The following MAPK4 variants were observed in gnomAD, a reference collection of about 807,000 sequenced individuals.
MAPK4 encodes mitogen-activated protein kinase 4.
A neutral mutation model predicts 47.7 loss-of-function variants in MAPK4; 22 were observed. The observed-to-expected ratio is 0.46, with a 90% confidence interval of 0.33 to 0.66. The LOEUF (loss-of-function observed/expected upper bound fraction) is 0.66, where lower values mean the gene tolerates loss of function less well. Ranked by LOEUF, MAPK4 falls within the 30% of genes least tolerant of loss-of-function variation. The pLI, the probability that MAPK4 is intolerant of heterozygous loss-of-function variation, is 0.02. For synonymous variants in MAPK4, 390 were observed against 365.7 expected (o/e 1.07, Z -0.76); for missense variants, 736 against 831.7 (o/e 0.88, Z 1.42).
At position 50,652,936 on chromosome 18, in the gene MAPK4, C is replaced by T. The variant is rs573676357; in HGVS notation, c.-870-10153C>T. Among the ~76,000 whole-genome samples the T allele has an allele frequency of 5.3e-5, 8 of 152,126 alleles. No homozygotes were observed. In the South Asian group the frequency reaches 1.7e-3, roughly 32 times the overall value. ...ATGGATTACACCTGTAATCCCAGTA[C>T]CTTGGGAGGTTGAGGCAGGAAGATT... On this transcript the variant is annotated intron_variant, in intron 1 of 5. Coordinates refer to ENST00000400384, the MANE Select transcript of MAPK4 (RefSeq NM_002747.4).
rs1171211396 is a variant in MAPK4, at chr18:50,664,907, C to T, written c.546+403C>T. Among the ~76,000 whole-genome samples the T allele has an allele frequency of 1.3e-5, 2 of 152,220 alleles. No individual in the cohort carries two copies. The highest frequency in any genetic ancestry group is 2.9e-5 in the Non-Finnish European group (2 of 68,034). ...AGGACACACCCTGAGGCTTCCCACC[C>T]TGTGAGCCTCATGCTCTGGTTGGTC... On this transcript the variant is annotated intron_variant, in intron 2 of 5. Transcript: ENST00000400384. This position sits in a 1 kb window ranked among gnomAD's most constrained non-coding sequence, Gnocchi z 6.0.
At chr18:50,569,874 G>T (rs1200827907) in intron 1 of MAPK4, among the ~76,000 whole-genome samples, 1 of 152,202 alleles carries the variant, frequency 6.6e-6, no homozygotes, top group Non-Finnish European at 1.5e-5. Context: ...GGATTGACAG[G>T]CCCAGCCCCT....
chr18:50,591,210 A>T (rs996888482), intron 1 of MAPK4, among the ~76,000 whole-genome samples: 4 of 152,132 alleles, frequency 2.6e-5, no homozygotes, highest in African/African-American at 9.7e-5. Context: ...TTCTTCTTGT[A>T]CATGTTTATT....
rs1910571323 is a variant in MAPK4 at position 50,715,122 on chromosome 18, C to T, written c.590C>T (p.Pro197Leu). 1 of 1,614,042 alleles carries T rather than the reference C, an allele frequency of 6.2e-7. No homozygotes were observed. The highest frequency in any genetic ancestry group is 8.5e-7 in the Non-Finnish European group (1 of 1,180,030). ...TTGGTAACAAAGTGGTACCGTTCCC[C>T]ACGACTGCTCCTTTCCCCCAATAAC... is the stretch of plus-strand genomic sequence containing the variant. Reference protein sequence around the residue: ...EGLVTKWYRSPRLLLSPNNYT... With the variant: ...EGLVTKWYRSLRLLLSPNNYT... Residue 197 changes from proline (P) to leucine (L), a missense_variant, in exon 3 of 6, where the codon CCA becomes CTA. Pro to Leu is a moderately conservative substitution (Grantham distance 98). Transcript: ENST00000400384.
intron 1 of MAPK4, among the ~76,000 whole-genome samples, chr18:50,615,057 C>A (rs762080277): frequency 6.6e-6 from 1 of 152,150 alleles, no homozygotes; most frequent in Non-Finnish European, 1.5e-5. Context: ...AGGACTAGGG[C>A]AAGAGATGTG....
At chr18:50,713,335 G>T (rs1457285214) in intron 2 of MAPK4, among the ~76,000 whole-genome samples, 1 of 152,188 alleles carries the variant, frequency 6.6e-6, no homozygotes, top group Non-Finnish European at 1.5e-5. Flanking sequence ...ACAAGATAAG[G>T]CATAAGTGGC....
chr18:50,639,911 T>C (rs1296171766), intron 1 of MAPK4, among the ~76,000 whole-genome samples: 1 of 152,250 alleles, frequency 6.6e-6, no homozygotes, highest in Non-Finnish European at 1.5e-5. Context: ...CGCTCGTTAA[T>C]AATTGTCTCT....
intron 1 of MAPK4, among the ~76,000 whole-genome samples, chr18:50,630,636 A>G (rs2042820546): frequency 6.6e-6 from 1 of 152,130 alleles, no homozygotes; most frequent in South Asian, 2.1e-4. Context: ...CCTAACTAAA[A>G]TTCTGCACTC....
At chr18:50,638,514 T>G in intron 1 of MAPK4, among the ~76,000 whole-genome samples, 1 of 152,216 alleles carries the variant, frequency 6.6e-6, no homozygotes, top group East Asian at 1.9e-4. Context: ...GGTTTCCGTA[T>G]TTACTGCCGG....
At chr18:50,714,030 C>T (rs1008550512) in intron 2 of MAPK4, among the ~76,000 whole-genome samples, 1 of 152,174 alleles carries the variant, frequency 6.6e-6, no homozygotes, top group Admixed American at 6.6e-5. Context: ...GTCAAAAGCT[C>T]CTGGGTCCTG....
At chr18:50,689,286 T>TACTC (rs758236884) in intron 2 of MAPK4, among the ~76,000 whole-genome samples, 62 of 150,708 alleles carry the variant, frequency 4.1e-4, no homozygotes, top group Middle Eastern at 7.0e-3. Context: ...TAATCCCAGC[T>TACTC]ACTCGAGAGG....
Position 50,715,207 on chromosome 18 carries a change from G to C in MAPK4, c.675G>C (p.Gly225=). 1 of 1,614,018 alleles carries C rather than the reference G, an allele frequency of 6.2e-7. No homozygotes were observed. The highest frequency in any genetic ancestry group is 8.5e-7 in the Non-Finnish European group (1 of 1,179,988). ...GCATCCTGGCTGAGATGCTTACGGG[G>C]AGAATGCTCTTTGCTGGTGAGTTGC... The part of the protein sequence containing the change: ...AGCILAEMLT[G]RMLFAGAHEL... The change falls in exon 3 of 6, where the codon GGG becomes GGC. Residue 225 remains glycine, a synonymous_variant. Coordinates refer to ENST00000400384, the MANE Select transcript of MAPK4 (RefSeq NM_002747.4).
chr18:50,642,136 G>T (rs2042946350), intron 1 of MAPK4, among the ~76,000 whole-genome samples: 1 of 152,192 alleles, frequency 6.6e-6, no homozygotes, highest in African/African-American at 2.4e-5. Context: ...CACTTTAAAA[G>T]AAGTCTAAGC....
intron 2 of MAPK4, among the ~76,000 whole-genome samples, chr18:50,665,146 G>A (rs1194045421): frequency 6.6e-6 from 1 of 152,214 alleles, no homozygotes; most frequent in Non-Finnish European, 1.5e-5. Flanking sequence ...TCCCCGTGGT[G>A]GGTGCTAAAT....
chr18:50,581,839 T>C (rs2042348541), intron 1 of MAPK4, among the ~76,000 whole-genome samples: 1 of 152,214 alleles, frequency 6.6e-6, no homozygotes, highest in Admixed American at 6.5e-5. Context: ...GAAAGTTACA[T>C]GTAAATTTTT....
rs752999098 is a variant in MAPK4 at position 50,729,499 on chromosome 18, C to T, written c.1409C>T (p.Pro470Leu). The T allele has an allele frequency of 4.8e-6, 7 of 1,455,930 alleles. No homozygotes were observed. The East Asian group carries it at 1.8e-4, about 37-fold the overall frequency. 90.2% of individuals were successfully genotyped at this position (1,455,930 alleles called of 1,614,324 possible). A position where few individuals can be genotyped will look rare whatever the true frequency, so the allele number is the denominator to read the frequency against. The change falls in exon 6 of 6, where the codon CCC (proline) becomes CTC (leucine). Residue 470 changes from proline (P) to leucine (L), a missense_variant. Coordinates refer to ENST00000400384, the MANE Select transcript of MAPK4 (RefSeq NM_002747.4). ...CACTGGAAGCAGGCGGCCGGCGCGC[C>T]CCCCACGGCCACGGGGCTGGCGGAC... Reference protein sequence around the residue: ...LSHWKQAAGAPPTATGLADTG... With the variant: ...LSHWKQAAGALPTATGLADTG...
At chr18:50,641,243 G>A (rs2042938565) in intron 1 of MAPK4, among the ~76,000 whole-genome samples, 1 of 152,148 alleles carries the variant, frequency 6.6e-6, no homozygotes, top group Admixed American at 6.5e-5. Flanking sequence ...TCAGTAGTTG[G>A]TTCTAATCTC....
intron 3 of MAPK4, among the ~76,000 whole-genome samples, chr18:50,720,972 A>G (rs1910908478): frequency 6.6e-6 from 1 of 152,228 alleles, no homozygotes; most frequent in Admixed American, 6.5e-5. Flanking sequence ...ATTCATGGCA[A>G]GGGGAGGGCC....
chr18:50,695,637 C>T (rs1022952334), intron 2 of MAPK4, among the ~76,000 whole-genome samples: 1 of 152,090 alleles, frequency 6.6e-6, no homozygotes, highest in African/African-American at 2.4e-5. Context: ...GCGGATGCCA[C>T]GCGTGCAGTA....
Sources: gnomAD v4.1 joint callset for allele counts (sites outside exome capture counted in the v4.1 genomes callset) on GRCh38, gnomAD v4.1.1 for gene constraint, Gnocchi (gnomAD v3.1) non-coding constraint, MANE v1.5 for transcripts, NCBI Gene and HGNC (gene_info 2026-07-23, HGNC 2026-07-21) for gene names.